The following PCK2 variants were observed in gnomAD, a reference collection of about 807,000 sequenced individuals.
PCK2 encodes phosphoenolpyruvate carboxykinase [GTP], mitochondrial.
Under a neutral mutation model 65.9 loss-of-function variants are expected in PCK2, and 56 were observed. The ratio of observed to expected loss-of-function variants is 0.85; its 90% CI spans 0.69 to 1.06. The LOEUF (loss-of-function observed/expected upper bound fraction) is 1.06. PCK2 is among the 50% of genes least tolerant of loss of function. The pLI is 0.00. For synonymous variants in PCK2, 305 were observed against 319.6 expected (o/e 0.95, Z 0.49); for missense variants, 843 against 863.1 (o/e 0.98, Z 0.29).
chr14:24,098,499 T>C lies in PCK2; in HGVS notation c.485T>C (p.Phe162Ser). 6.2e-7 allele frequency: 1 copy of C among 1,614,088 alleles called. No individual in the cohort carries two copies. The highest frequency in any genetic ancestry group is 8.5e-7 in the Non-Finnish European group (1 of 1,179,994). ...GGCCGCACCATGTATGTGCTTCCATTCAGCATGGGTCCTGTGGGCTCCCCG... is the reference window on the plus strand; with the variant it reads ...GGCCGCACCATGTATGTGCTTCCATCCAGCATGGGTCCTGTGGGCTCCCCG... ...MQGRTMYVLPFSMGPVGSPLS... is the reference protein window; with the variant it reads ...MQGRTMYVLPSSMGPVGSPLS... The change falls in exon 4 of 10, where the codon TTC (phenylalanine) becomes TCC (serine). Residue 162 changes from phenylalanine to serine, a missense_variant. Transcript: ENST00000216780.
chr14:24,103,440 C>A, intron 9 of PCK2, 70 bp from the exon 10 acceptor site: 3 of 1,361,180 alleles, frequency 2.2e-6, no homozygotes, highest in Non-Finnish European at 3.1e-6. Flanking sequence ...CTTCCTCCAA[C>A]TGGATGCAGG....
At position 24,099,046 on chromosome 14, in the gene PCK2, C is replaced by T. The variant is rs2037031024; in HGVS notation, c.665-3C>T. On this transcript the variant is annotated splice_region_variant and splice_polypyrimidine_tract_variant and intron_variant, in intron 4 of 9. Coordinates refer to ENST00000216780, the MANE Select transcript of PCK2 (RefSeq NM_004563.4). Reference sequence around the variant, plus strand: ...AGCAGCCCCATGACCCCATTGTCCCCAGGGGAGCCAGTGAGCCAGTGGCCG... The same window carrying T: ...AGCAGCCCCATGACCCCATTGTCCCTAGGGGAGCCAGTGAGCCAGTGGCCG... The T allele has an allele frequency of 6.3e-7, 1 of 1,597,868 alleles. No homozygotes were observed. The highest frequency in any genetic ancestry group is 8.6e-7 in the Non-Finnish European group (1 of 1,168,240).
rs972428748 is a variant in PCK2 at position 24,095,996 on chromosome 14, C to T, written c.30-896C>T. 9.8e-5 allele frequency among the ~76,000 whole-genome samples: 15 copies of T among 152,314 alleles called. No individual in the cohort carries two copies. The East Asian group carries it at 2.7e-3, about 27-fold the overall frequency. On this transcript the variant is annotated intron_variant, in intron 1 of 9. Transcript: ENST00000216780. Reference sequence around the variant, plus strand: ...GTCACCTATTCTCTGTGCAAGAGCCCTCATCTAGAAACCTGGCACTGGAAA... The same window carrying T: ...GTCACCTATTCTCTGTGCAAGAGCCTTCATCTAGAAACCTGGCACTGGAAA...
intron 1 of PCK2, among the ~76,000 whole-genome samples, chr14:24,095,732 T>C (rs1194131624): frequency 1.3e-5 from 2 of 152,170 alleles, no homozygotes; most frequent in East Asian, 3.9e-4. Flanking sequence ...TTACTCCACC[T>C]TGAGTCCAGG....
Position 24,094,606 on chromosome 14 carries a change from G to A in PCK2, c.29+172G>A. 6 of 1,462,120 alleles carry A rather than the reference G, an allele frequency of 4.1e-6. No individual in the cohort carries two copies. The East Asian group carries it at 1.3e-4, about 30-fold the overall frequency. The allele number at this position is 1,462,120 out of a possible 1,614,324, so 90.6% of individuals were successfully genotyped here. On this transcript the variant is annotated intron_variant, in intron 1 of 9. Coordinates refer to ENST00000216780, the MANE Select transcript of PCK2 (RefSeq NM_004563.4). This position sits in a 1 kb window ranked among gnomAD's most constrained non-coding sequence, Gnocchi z 4.1. ...CTCCCGCGCCGCGCGTCTCTTGGGAGGGCAGCCGGCCGGTGCTCCTCGTTT... is the reference window on the plus strand; with the variant it reads ...CTCCCGCGCCGCGCGTCTCTTGGGAAGGCAGCCGGCCGGTGCTCCTCGTTT...
chr14:24,099,882 C>A (rs745893663), intron 6 of PCK2, 113 bp from the exon 7 acceptor site: 4 of 1,590,808 alleles, frequency 2.5e-6, no homozygotes, highest in Non-Finnish European at 2.6e-6. Flanking sequence ...AGCCTTTCCT[C>A]ATCAGATCTT....
At chr14:24,102,605 C>T (rs538727819) in intron 7 of PCK2, 148 bp from the exon 8 acceptor site, 1 of 657,142 alleles carries the variant, frequency 1.5e-6, no homozygotes, top group African/African-American at 1.8e-5. Context: ...CCCTGGCTCC[C>T]CTCTCTCTGC....
chr14:24,099,631 C>T lies in PCK2; in HGVS notation c.926C>T (p.Thr309Ile), dbSNP rs1161321790. 1 of 1,613,970 alleles carries T rather than the reference C, an allele frequency of 6.2e-7. No homozygotes were observed. Residue 309 changes from threonine to isoleucine, a missense_variant, in exon 6 of 10, where the codon ACC (threonine) becomes ATC (isoleucine). Thr to Ile is a moderately conservative substitution (Grantham distance 89, BLOSUM62 -1). Transcript: ENST00000216780. ...AAAFPSACGK[T>I]NLAMMRPALP... ...GCCTTCCCTAGTGCCTGTGGCAAGA[C>T]CAACCTGGCTATGATGCGGCCTGCA...
rs1052565540 is a variant in PCK2 at position 24,098,199 on chromosome 14, C to T, written c.276-4C>T. On this transcript the variant is annotated splice_polypyrimidine_tract_variant and splice_region_variant and intron_variant, in intron 2 of 9. Transcript: ENST00000216780. Reference sequence around the variant, plus strand: ...CATCTTCCTGACAATCCCCTCTCCCCCAGCTGGCTGGCCCGCACAGACCCC... The same window carrying T: ...CATCTTCCTGACAATCCCCTCTCCCTCAGCTGGCTGGCCCGCACAGACCCC... 1.3e-6 allele frequency: 2 copies of T among 1,590,380 alleles called. No individual in the cohort carries two copies. The highest frequency in any genetic ancestry group is 2.7e-5 in the African/African-American group (2 of 74,414).
Position 24,098,371 on chromosome 14 carries a change from T to C in PCK2, c.444T>C (p.Phe148=). The C allele has an allele frequency of 6.2e-7, 1 of 1,612,274 alleles. No individual in the cohort carries two copies. The highest frequency in any genetic ancestry group is 8.5e-7 in the Non-Finnish European group (1 of 1,178,540). The stretch of plus-strand genomic sequence containing the variant: ...TCCAGCGAGCTGTGGATGAGAGGTT[T>C]CCAGGCTGCATGCAGGGTAACCAGG... ...ADFQRAVDER[F]PGCMQGRTMY... Residue 148 remains phenylalanine, a synonymous_variant, in exon 3 of 10, where the codon TTT becomes TTC. Coordinates refer to ENST00000216780, the MANE Select transcript of PCK2 (RefSeq NM_004563.4).
At chr14:24,095,175 T>G in intron 1 of PCK2, 1 of 456,114 alleles carries the variant, frequency 2.2e-6, no homozygotes, top group Non-Finnish European at 4.4e-6. Context: ...GACCCACATC[T>G]GTCGCACAGC....
At position 24,098,253 on chromosome 14, in the gene PCK2, C is replaced by T. The variant is rs756628023; in HGVS notation, c.326C>T (p.Thr109Met). 34 of 1,613,890 alleles carry T rather than the reference C, an allele frequency of 2.1e-5. No homozygotes were observed. Among genetic ancestry groups the T allele is most frequent in the Admixed American group, 1.0e-4 (6 of 59,988 alleles). Residue 109 changes from threonine to methionine, a missense_variant, in exon 3 of 10, where the codon ACG becomes ATG. Thr to Met is a moderately conservative substitution (Grantham distance 81). Coordinates refer to ENST00000216780, the MANE Select transcript of PCK2 (RefSeq NM_004563.4). Reference protein sequence around the residue: ...PKDVARVESKTVIVTPSQRDT... With the variant: ...PKDVARVESKMVIVTPSQRDT... ...GATGTGGCACGAGTAGAGAGCAAGA[C>T]GGTGATTGTAACTCCTTCTCAGCGG... is the stretch of plus-strand genomic sequence containing the variant.
rs532806277 is a variant in PCK2, at chr14:24,099,765, A to G, written c.1015+45A>G. 32 of 1,577,652 alleles carry G rather than the reference A, an allele frequency of 2.0e-5. No homozygotes were observed. The African/African-American group carries it at 2.7e-4, about 13-fold the overall frequency. On this transcript the variant is annotated intron_variant, in intron 6 of 9. Transcript: ENST00000216780. ...TACTCTTGGTTCTGGCTCTTGTCAG[A>G]GCCTCGGGGTCTCCTCTCTAGTGTT...
At position 24,103,707 on chromosome 14, in the gene PCK2, G is replaced by C; in HGVS notation, c.1666G>C (p.Asp556His). 1 of 1,614,224 alleles carries C rather than the reference G, an allele frequency of 6.2e-7. No homozygotes were observed. Among genetic ancestry groups the C allele is most frequent in the Non-Finnish European group, 8.5e-7 (1 of 1,180,040 alleles). The part of the protein sequence containing the change: ...PGFGENARVL[D>H]WICRRLEGED... ...CTTTGGGGAGAATGCTCGGGTGCTAGACTGGATCTGCCGGCGGTTAGAGGG... is the reference window on the plus strand; with the variant it reads ...CTTTGGGGAGAATGCTCGGGTGCTACACTGGATCTGCCGGCGGTTAGAGGG... Residue 556 changes from aspartate to histidine, a missense_variant, in exon 10 of 10, where the codon GAC (aspartate) becomes CAC (histidine). Asp to His is a moderately conservative substitution (Grantham distance 81). Transcript: ENST00000216780.
chr14:24,103,877 C>G lies in PCK2; in HGVS notation c.1836C>G (p.Ser612Arg), dbSNP rs186959087. 16 of 1,614,128 alleles carry G rather than the reference C, an allele frequency of 9.9e-6. No individual in the cohort carries two copies. In the African/African-American group the frequency reaches 1.3e-4, roughly 13 times the overall value. The change falls in exon 10 of 10, where the codon AGC (serine) becomes AGG (arginine). Residue 612 changes from serine (S) to arginine (R), a missense_variant. Coordinates refer to ENST00000216780, the MANE Select transcript of PCK2 (RefSeq NM_004563.4). ...AACAGGAGGTTCGTGACATTCGGAGCTACCTGACAGAGCAGGTCAACCAGG... is the reference window on the plus strand; with the variant it reads ...AACAGGAGGTTCGTGACATTCGGAGGTACCTGACAGAGCAGGTCAACCAGG... Reference protein sequence around the residue: ...FWEQEVRDIRSYLTEQVNQDL... With the variant: ...FWEQEVRDIRRYLTEQVNQDL...
chr14:24,099,770 C>G lies in PCK2; in HGVS notation c.1015+50C>G, dbSNP rs373553320. The G allele has an allele frequency of 3.2e-6, 5 of 1,551,542 alleles. No individual in the cohort carries two copies. In the South Asian group the frequency reaches 5.6e-5, roughly 17 times the overall value. On this transcript the variant is annotated intron_variant, in intron 6 of 9. Coordinates refer to ENST00000216780, the MANE Select transcript of PCK2 (RefSeq NM_004563.4). ...TTGGTTCTGGCTCTTGTCAGAGCCT[C>G]GGGGTCTCCTCTCTAGTGTTCACAA...
Position 24,094,787 on chromosome 14 carries a change from CG to C in PCK2, c.29+356del. The C allele has an allele frequency of 7.3e-7, 1 of 1,375,396 alleles. No individual in the cohort carries two copies. The highest frequency in any genetic ancestry group is 9.6e-7 in the Non-Finnish European group (1 of 1,044,950). The allele number at this position is 1,375,396 out of a possible 1,614,324, so 85.2% of individuals were successfully genotyped here. On this transcript the variant is annotated intron_variant, in intron 1 of 9. Transcript: ENST00000216780. The surrounding 1 kb of genome is among the most constrained non-coding windows in gnomAD (Gnocchi z 4.1). ...CCAGATACCTCCCTCGGACCTCTAA[CG>C]GGCTCTCAGCCAGCGCCCCAGGGTA...
chr14:24,094,797 G>A lies in PCK2; in HGVS notation c.29+363G>A, dbSNP rs1490538648. 11 of 1,364,632 alleles carry A rather than the reference G, an allele frequency of 8.1e-6. No homozygotes were observed. The highest frequency in any genetic ancestry group is 1.1e-5 in the Non-Finnish European group (11 of 1,038,206). 84.5% of individuals were successfully genotyped at this position (1,364,632 alleles called of 1,614,324 possible). On this transcript the variant is annotated intron_variant, in intron 1 of 9. Coordinates refer to ENST00000216780, the MANE Select transcript of PCK2 (RefSeq NM_004563.4). This position sits in a 1 kb window ranked among gnomAD's most constrained non-coding sequence, Gnocchi z 4.1. ...CCCTCGGACCTCTAACGGGCTCTCA[G>A]CCAGCGCCCCAGGGTACTTCGAGAG...
At position 24,097,061 on chromosome 14, in the gene PCK2, G is replaced by A. The variant is rs2036917254; in HGVS notation, c.199G>A (p.Glu67Lys). 1.9e-6 allele frequency: 3 copies of A among 1,613,456 alleles called. No homozygotes were observed. The African/African-American group carries it at 4.0e-5, about 22-fold the overall frequency. Reference sequence around the variant, plus strand: ...GGGCATCCACATCTGTGATGGAACTGAGGCTGAGAATACTGCCACACTGAC... The same window carrying A: ...GGGCATCCACATCTGTGATGGAACTAAGGCTGAGAATACTGCCACACTGAC... ...PEGIHICDGT[E>K]AENTATLTLL... The change falls in exon 2 of 10, where the codon GAG becomes AAG. Residue 67 changes from glutamate (E) to lysine (K), a missense_variant. Glu to Lys is a moderately conservative substitution (Grantham distance 56). Transcript: ENST00000216780.
Sources: gnomAD v4.1 joint callset for allele counts (sites outside exome capture counted in the v4.1 genomes callset) on GRCh38, gnomAD v4.1.1 for gene constraint, Gnocchi (gnomAD v3.1) non-coding constraint, MANE v1.5 for transcripts, NCBI Gene and HGNC (gene_info 2026-07-23, HGNC 2026-07-21) for gene names.